Variants in DAB1 observed in about 807,000 individuals in gnomAD.
DAB1 encodes DAB adaptor protein 1.
In DAB1, 15 loss-of-function variants were observed where a neutral mutation model predicts 64.6. The ratio of observed to expected loss-of-function variants is 0.23; its 90% CI spans 0.16 to 0.36. DAB1 has a LOEUF of 0.36. Among genes scored for constraint, DAB1 ranks in the 10% least tolerant of loss-of-function variants. The pLI, the probability that DAB1 is intolerant of heterozygous loss-of-function variation, is 1.00. For synonymous variants in DAB1, 235 were observed against 251.9 expected, an observed-to-expected ratio of 0.93 and a Z score of 0.64; for missense variants, 596 against 706.7, an observed-to-expected ratio of 0.84 and a Z score of 1.78.
At chr1:57,618,490 G>A (rs10789050) in intron 7 of DAB1, among the ~76,000 whole-genome samples, 72,671 of 150,912 alleles carry the variant, frequency 0.48, 18,104 homozygotes, top group Admixed American at 0.55. Flanking sequence ...GTGTCAGTAA[G>A]TGAGAAATAG....
At chr1:58,473,816 C>T (rs982202660) in intron 3 of DAB1, 9 of 572,258 alleles carry the variant, frequency 1.6e-5, no homozygotes, top group East Asian at 1.3e-4. Flanking sequence ...GTCTGAGCAC[C>T]GCCAAGCACA....
intron 4 of DAB1, among the ~76,000 whole-genome samples, chr1:58,303,037 C>T (rs964207752): frequency 6.6e-6 from 1 of 152,074 alleles, no homozygotes; most frequent in African/African-American, 2.4e-5. Flanking sequence ...TTAAGAATTC[C>T]TTACCAACTG....
chr1:57,239,526 G>C (rs890416317), intron 2 of DAB1, among the ~76,000 whole-genome samples: 4 of 152,088 alleles, frequency 2.6e-5, no homozygotes, highest in African/African-American at 9.7e-5. Flanking sequence ...GGGGAGTGTG[G>C]TCCCACGTGC....
chr1:57,669,818 T>A (rs1646489938), intron 6 of DAB1, among the ~76,000 whole-genome samples: 1 of 152,176 alleles, frequency 6.6e-6, no homozygotes, highest in Non-Finnish European at 1.5e-5. Context: ...TGGAAATATA[T>A]TTAATAGGAT....
intron 6 of DAB1, among the ~76,000 whole-genome samples, chr1:57,778,494 G>T (rs1649918837): frequency 6.6e-6 from 1 of 151,912 alleles, no homozygotes; most frequent in Non-Finnish European, 1.5e-5. Flanking sequence ...CTAGTGTTCA[G>T]TGTCTTATAT....
chr1:57,815,598 T>A (rs1651819872), intron 6 of DAB1, among the ~76,000 whole-genome samples: 1 of 151,794 alleles, frequency 6.6e-6, no homozygotes, highest in Non-Finnish European at 1.5e-5. Context: ...TAAAGAGAGG[T>A]ACCCAAGGGA....
At chr1:58,235,982 T>C (rs538043210) in intron 4 of DAB1, among the ~76,000 whole-genome samples, 17 of 152,304 alleles carry the variant, frequency 1.1e-4, no homozygotes, top group Admixed American at 9.1e-4. Flanking sequence ...CCTCGGCCCA[T>C]GTGCAGCAAT....
chr1:57,656,296 C>T (rs930645181), intron 6 of DAB1, among the ~76,000 whole-genome samples: 1 of 152,138 alleles, frequency 6.6e-6, no homozygotes, highest in Admixed American at 6.6e-5. Flanking sequence ...CTATTTTAGT[C>T]ACCTCAAGGA....
chr1:58,037,984 C>A (rs188588128), intron 5 of DAB1, among the ~76,000 whole-genome samples: 2 of 152,282 alleles, frequency 1.3e-5, no homozygotes, highest in East Asian at 1.9e-4. Context: ...CAAGTCATAA[C>A]CATTGTGTAT....
At chr1:58,383,366 T>A (rs1644406338) in intron 3 of DAB1, among the ~76,000 whole-genome samples, 1 of 152,152 alleles carries the variant, frequency 6.6e-6, no homozygotes. Context: ...CTTCCAGCAC[T>A]CACAGTGGAC....
intron 7 of DAB1, among the ~76,000 whole-genome samples, chr1:57,612,333 T>A (rs188897236): frequency 1.3e-5 from 2 of 152,124 alleles, no homozygotes; most frequent in African/African-American, 4.8e-5. Flanking sequence ...AAACCTGTGA[T>A]TATGTTACCT....
At chr1:57,312,460 CCA>C (rs1253252355) in intron 1 of DAB1, among the ~76,000 whole-genome samples, 2 of 152,044 alleles carry the variant, frequency 1.3e-5, no homozygotes, top group African/African-American at 4.8e-5. Context: ...AAAGTGAAGT[CCA>C]AAGAGGGGAC....
intron 5 of DAB1, among the ~76,000 whole-genome samples, chr1:57,936,219 T>C (rs1023020523): frequency 5.3e-5 from 8 of 152,230 alleles, no homozygotes; most frequent in African/African-American, 1.9e-4. Context: ...CTAATTGATT[T>C]TCCTTCTGTG....
chr1:57,713,452 T>C (rs776125856), intron 6 of DAB1, among the ~76,000 whole-genome samples: 6 of 152,196 alleles, frequency 3.9e-5, no homozygotes, highest in Admixed American at 6.5e-5. Context: ...AGCTTGGTTG[T>C]ACCAAATTGA....
intron 1 of DAB1, among the ~76,000 whole-genome samples, chr1:57,390,715 C>A (rs1682276091): frequency 1.3e-5 from 2 of 152,198 alleles, no homozygotes; most frequent in South Asian, 4.1e-4. Flanking sequence ...GAAAGAAAAG[C>A]CAGTTCTGAC....
At chr1:57,995,319 C>T (rs1412521828) in intron 5 of DAB1, among the ~76,000 whole-genome samples, 2 of 152,154 alleles carry the variant, frequency 1.3e-5, no homozygotes, top group African/African-American at 4.8e-5. Context: ...GTTAAAGGGA[C>T]TTCTCCTGAC....
At chr1:57,208,293 C>A (rs528043960) in intron 2 of DAB1, among the ~76,000 whole-genome samples, 1 of 150,862 alleles carries the variant, frequency 6.6e-6, no homozygotes, top group Non-Finnish European at 1.5e-5. Context: ...AATGTCTGAC[C>A]TGTGCTCAGA....
chr1:57,309,818 C>T (rs968399117), intron 1 of DAB1, among the ~76,000 whole-genome samples: 4 of 152,160 alleles, frequency 2.6e-5, no homozygotes, highest in African/African-American at 9.7e-5. Context: ...GAGCTCAAAG[C>T]CACCCCACAA....
intron 3 of DAB1, among the ~76,000 whole-genome samples, chr1:58,362,862 T>C (rs931041508): frequency 7.2e-5 from 11 of 152,244 alleles, no homozygotes; most frequent in Admixed American, 2.0e-4. Context: ...CTTAGCCAGC[T>C]TGGGCTTCCA....
Sources: allele counts gnomAD v4.1 joint callset (sites outside exome capture counted in the v4.1 genomes callset), GRCh38; gene constraint gnomAD v4.1.1; transcripts MANE v1.5; gene names NCBI Gene and HGNC (gene_info 2026-07-23, HGNC 2026-07-21).